The following TRERF1 variants were observed in gnomAD, a reference collection of about 807,000 sequenced individuals.
TRERF1 encodes the protein transcriptional-regulating factor 1.
TRERF1 carries 27 observed loss-of-function variants against 122.9 expected under a neutral mutation model. That is an observed-to-expected ratio of 0.22 (90% CI 0.16 to 0.30). The LOEUF (loss-of-function observed/expected upper bound fraction) is 0.30. Among genes scored for constraint, TRERF1 ranks in the 10% least tolerant of loss-of-function variants. The probability of loss-of-function intolerance (pLI) is 1.00; values close to 1 mark genes in which losing one functional copy is unlikely to be tolerated. For synonymous variants in TRERF1, 636 were observed against 641.7 expected (o/e 0.99, Z 0.13); for missense variants, 1,248 against 1,560.3 (o/e 0.80, Z 3.37).
chr6:42,249,449 T>C (rs1204329685), intron 13 of TRERF1, among the ~76,000 whole-genome samples: 2 of 152,188 alleles, frequency 1.3e-5, no homozygotes, highest in Non-Finnish European at 2.9e-5. Flanking sequence ...TGTTTCCAAA[T>C]TGCTTGCCAG....
At chr6:42,313,905 T>C (rs567036621) in intron 3 of TRERF1, among the ~76,000 whole-genome samples, 1 of 152,190 alleles carries the variant, frequency 6.6e-6, no homozygotes, top group Non-Finnish European at 1.5e-5. Context: ...TTATGGATCA[T>C]GGAGGTAAGG....
chr6:42,310,298 A>T (rs1358722252), intron 3 of TRERF1, among the ~76,000 whole-genome samples: 2 of 152,202 alleles, frequency 1.3e-5, no homozygotes, highest in African/African-American at 4.8e-5. Flanking sequence ...CAATAGCCAC[A>T]TGTGGCTAGT....
At chr6:42,274,451 G>T (rs562765955) in intron 4 of TRERF1, among the ~76,000 whole-genome samples, 30 of 152,268 alleles carry the variant, frequency 2.0e-4, no homozygotes, top group African/African-American at 7.0e-4. Context: ...AAGGCAGGGG[G>T]ATTACTTGAG....
intron 7 of TRERF1, 25 bp downstream of exon 7, chr6:42,264,679 G>A (rs1262957253): frequency 3.8e-5 from 62 of 1,611,534 alleles, no homozygotes; most frequent in Non-Finnish European, 5.1e-5. Context: ...GACCTAGAAA[G>A]GACCGGGAAC....
At chr6:42,419,769 G>A (rs913211944) in intron 2 of TRERF1, among the ~76,000 whole-genome samples, 6 of 152,132 alleles carry the variant, frequency 3.9e-5, no homozygotes, top group African/African-American at 1.4e-4. Context: ...AGGAAACAAG[G>A]CTGAGGATGT....
intron 2 of TRERF1, among the ~76,000 whole-genome samples, chr6:42,427,150 A>C (rs1783740354): frequency 6.6e-6 from 1 of 151,970 alleles, no homozygotes; most frequent in Non-Finnish European, 1.5e-5. Flanking sequence ...GCAAGAACCT[A>C]TCTCTATAAA....
chr6:42,268,393 G>C lies in TRERF1; in HGVS notation c.1198C>G (p.Gln400Glu), dbSNP rs1299598013. ...TTCAGCTGACTGTCCTCACGCTGCTGGTGCTGGGACAGGTGGCTCTGCTGG... is the reference window on the plus strand; with the variant it reads ...TTCAGCTGACTGTCCTCACGCTGCTCGTGCTGGGACAGGTGGCTCTGCTGG... The change falls in exon 5 of 18, where the codon CAG becomes GAG. Residue 400 changes from glutamine (Q) to glutamate (E), a missense_variant. This residue lies in a region of TRERF1 where 946 missense variants were observed against 1,073.0 expected (regional missense o/e 0.88). Coordinates refer to ENST00000372922, the Ensembl canonical transcript of TRERF1. This position sits in a 1 kb window ranked among gnomAD's most constrained non-coding sequence, Gnocchi z 4.4. 15 of 1,543,656 alleles carry C rather than the reference G, an allele frequency of 9.7e-6. No homozygotes were observed. Among genetic ancestry groups the C allele is most frequent in the African/African-American group, 1.4e-5 (1 of 72,776 alleles).
In TRERF1 at chr6:42,259,679, C is replaced by T. The variant is rs1278990475; in HGVS notation, c.1929G>A (p.Glu643=). Residue 643 remains glutamate (E), a synonymous_variant, in exon 9 of 18, where the codon GAG becomes GAA. Coordinates refer to ENST00000372922, the Ensembl canonical transcript of TRERF1. The surrounding 1 kb of genome is among the most constrained non-coding windows in gnomAD (Gnocchi z 4.9). ...TCTTCTCCTGCACGGTCTTGAGGGG[C>T]TCCTCGGCTTTGGGCACACTCGGCT... 1 of 1,607,942 alleles carries T rather than the reference C, an allele frequency of 6.2e-7. No individual in the cohort carries two copies.
chr6:42,284,368 C>T (rs139857880), intron 4 of TRERF1, among the ~76,000 whole-genome samples: 286 of 152,246 alleles, frequency 1.9e-3, no homozygotes, highest in African/African-American at 6.5e-3. Flanking sequence ...ACCACAGTGC[C>T]AGTCTTTAAT....
At chr6:42,405,742 T>G (rs1216579721) in intron 2 of TRERF1, among the ~76,000 whole-genome samples, 1 of 150,426 alleles carries the variant, frequency 6.6e-6, no homozygotes, top group East Asian at 2.0e-4. Context: ...TTGCAGTGAG[T>G]TGCGATCACA....
chr6:42,230,331 G>T (rs992309695), intron 17 of TRERF1, among the ~76,000 whole-genome samples: 1 of 151,028 alleles, frequency 6.6e-6, no homozygotes, highest in Non-Finnish European at 1.5e-5. Flanking sequence ...ATTTCTGGTA[G>T]AAAAAGTTTC....
rs765248247 is a variant in TRERF1 at position 42,268,656 on chromosome 6, AGCTGCTGCG to A, written c.926_934del (p.Pro309_Gln311del). 2.9e-5 allele frequency: 46 copies of A among 1,613,884 alleles called. No individual in the cohort carries two copies. Among genetic ancestry groups the A allele is most frequent in the Non-Finnish European group, 3.6e-5 (42 of 1,179,968 alleles). On this transcript the variant is annotated inframe_deletion, in exon 5 of 18. Coordinates refer to ENST00000372922, the Ensembl canonical transcript of TRERF1. The surrounding 1 kb of genome is among the most constrained non-coding windows in gnomAD (Gnocchi z 4.4). Reference sequence around the variant, plus strand: ...TGAACCCTGCCGCTGCTGCAGCTGTAGCTGCTGCGGCTGCTGCTGCTGTGGCGGCGGCTG... The same window carrying A: ...TGAACCCTGCCGCTGCTGCAGCTGTAGCTGCTGCTGCTGTGGCGGCGGCTG...
chr6:42,238,835 TCACACACACACA>T (rs58223539), intron 15 of TRERF1, among the ~76,000 whole-genome samples: 3 of 143,026 alleles, frequency 2.1e-5, no homozygotes, highest in Non-Finnish European at 3.1e-5. Flanking sequence ...ATCATGCATT[TCACACACACACA>T]CACACACACA....
intron 3 of TRERF1, among the ~76,000 whole-genome samples, chr6:42,303,904 T>TAA (rs60880174): frequency 0.091 from 6,260 of 68,536 alleles, 427 homozygotes; most frequent in African/African-American, 0.14. Context: ...CACTGTCTCA[T>TAA]AAAAAAAAAA....
chr6:42,337,813 A>G (rs1050582684), intron 3 of TRERF1, among the ~76,000 whole-genome samples: 1 of 152,202 alleles, frequency 6.6e-6, no homozygotes, highest in African/African-American at 2.4e-5. Flanking sequence ...GAGCTTTCAC[A>G]GGCTGATGCC....
At chr6:42,344,257 G>A (rs1037826805) in intron 3 of TRERF1, among the ~76,000 whole-genome samples, 8 of 152,190 alleles carry the variant, frequency 5.3e-5, no homozygotes, top group African/African-American at 7.2e-5. Context: ...AAACTGAGCA[G>A]AATGTCCTCT....
chr6:42,325,360 A>T (rs1764110388), intron 3 of TRERF1, among the ~76,000 whole-genome samples: 1 of 152,246 alleles, frequency 6.6e-6, no homozygotes, highest in Non-Finnish European at 1.5e-5. Flanking sequence ...CTTCTCAAAG[A>T]ACTAAAAATA....
In TRERF1 at chr6:42,336,664, C is replaced by T. The variant is rs556754521; in HGVS notation, c.-371+26333G>A. Among the ~76,000 whole-genome samples the T allele has an allele frequency of 6.6e-5, 10 of 152,244 alleles. No individual in the cohort carries two copies. The South Asian group carries it at 8.3e-4, about 13-fold the overall frequency. ...CAAATGTAGATTCATCCTATCAGACCGTTCACCTCCCAACTTGGCGGAGGA... is the reference window on the plus strand; with the variant it reads ...CAAATGTAGATTCATCCTATCAGACTGTTCACCTCCCAACTTGGCGGAGGA... On this transcript the variant is annotated intron_variant, in intron 3 of 17. Transcript: ENST00000372922.
chr6:42,366,326 T>C (rs1248421795), intron 2 of TRERF1, among the ~76,000 whole-genome samples: 1 of 152,258 alleles, frequency 6.6e-6, no homozygotes, highest in African/African-American at 2.4e-5. Context: ...AGAACAATTC[T>C]GATGCTCAGG....
Sources: gnomAD v4.1 joint callset for allele counts (sites outside exome capture counted in the v4.1 genomes callset) on GRCh38, gnomAD v4.1.1 for gene constraint, gnomAD v4.1.1 regional missense constraint, Gnocchi (gnomAD v3.1) non-coding constraint, MANE v1.5 for transcripts, NCBI Gene and HGNC (gene_info 2026-07-23, HGNC 2026-07-21) for gene names.